TBCCD1: variants seen among roughly 807,000 people sequenced by gnomAD.
TBCCD1 encodes the protein TBCC domain containing 1.
A neutral mutation model predicts 53.4 loss-of-function variants in TBCCD1; 26 were observed. That is an observed-to-expected ratio of 0.49 (90% CI 0.36 to 0.68). TBCCD1 has a LOEUF of 0.68. Ranked by LOEUF, TBCCD1 falls within the 30% of genes least tolerant of loss-of-function variation. The pLI is 0.00. For synonymous variants in TBCCD1, 245 were observed against 241.7 expected, an observed-to-expected ratio of 1.01 and a Z score of -0.13; for missense variants, 558 against 669.5, an observed-to-expected ratio of 0.83 and a Z score of 1.84.
chr3:186,565,537 T>C (rs970366578), intron 1 of TBCCD1, among the ~76,000 whole-genome samples: 2 of 152,252 alleles, frequency 1.3e-5, no homozygotes, highest in Non-Finnish European at 2.9e-5. Flanking sequence ...TCCCATTTTA[T>C]TCAACTCTTC....
chr3:186,564,866 A>G (rs1714782291), intron 1 of TBCCD1, among the ~76,000 whole-genome samples: 1 of 152,226 alleles, frequency 6.6e-6, no homozygotes, highest in African/African-American at 2.4e-5. Flanking sequence ...ATGCTAATGT[A>G]AATGTAGACT....
At chr3:186,547,606 CT>C (rs574168560) in intron 7 of TBCCD1, among the ~76,000 whole-genome samples, 4,127 of 127,076 alleles carry the variant, frequency 0.032, 130 homozygotes, top group African/African-American at 0.091. Context: ...TTGCTAAATT[CT>C]TTTTTTTTTT....
upstream of TBCCD1, chr3:186,570,457 G>A: frequency 2.1e-6 from 1 of 483,430 alleles, no homozygotes; most frequent in Non-Finnish European, 3.6e-6. Flanking sequence ...CCCTCACTCT[G>A]ACCGGCCCCC....
chr3:186,554,822 C>A, intron 5 of TBCCD1, 71 bp from the exon 6 acceptor site: 1 of 1,593,094 alleles, frequency 6.3e-7, no homozygotes, highest in Non-Finnish European at 8.5e-7. Context: ...ATATTATTAT[C>A]TGATGGCAAA....
At chr3:186,566,625 C>G (rs925454515) in intron 1 of TBCCD1, among the ~76,000 whole-genome samples, 2 of 152,160 alleles carry the variant, frequency 1.3e-5, no homozygotes, top group Admixed American at 6.5e-5. Context: ...TAAATGTACT[C>G]TAGGAATCCA....
chr3:186,549,483 A>G (rs183455022), intron 7 of TBCCD1, among the ~76,000 whole-genome samples: 2 of 152,138 alleles, frequency 1.3e-5, no homozygotes, highest in African/African-American at 4.8e-5. Flanking sequence ...ACCAGCCTGG[A>G]CAACAAAGTG....
upstream of TBCCD1, chr3:186,567,368 G>A (rs571145316): frequency 6.6e-6 from 1 of 152,200 alleles, no homozygotes; most frequent in South Asian, 2.1e-4. Flanking sequence ...CGCCGCTGCC[G>A]TGCCCACTGC....
At chr3:186,566,507 GA>G (rs965704557) in intron 1 of TBCCD1, among the ~76,000 whole-genome samples, 3 of 150,884 alleles carry the variant, frequency 2.0e-5, no homozygotes, top group Non-Finnish European at 4.4e-5. Context: ...CATTTTCGAT[GA>G]AAAAAAAATG....
intron 4 of TBCCD1, among the ~76,000 whole-genome samples, chr3:186,555,985 T>C (rs1197055835): frequency 6.6e-6 from 1 of 152,172 alleles, no homozygotes; most frequent in African/African-American, 2.4e-5. Flanking sequence ...GTTACGTGAC[T>C]GCCTTCTCAG....
chr3:186,566,472 G>A lies in TBCCD1; in HGVS notation c.-44+795C>T, dbSNP rs117293025. The stretch of plus-strand genomic sequence containing the variant: ...CTCCTTTCATCCTCACAACCACCTG[G>A]AGATACAGTACTTAAGACTGTACAC... On this transcript the variant is annotated intron_variant, in intron 1 of 7. Transcript: ENST00000338733. Among the ~76,000 whole-genome samples the A allele has an allele frequency of 3.2e-4, 49 of 152,156 alleles. No homozygotes were observed. The East Asian group carries it at 8.1e-3, about 25-fold the overall frequency.
intron 2 of TBCCD1, among the ~76,000 whole-genome samples, chr3:186,562,188 T>C (rs1428468545): frequency 6.6e-6 from 1 of 151,866 alleles, no homozygotes; most frequent in Admixed American, 6.6e-5. Flanking sequence ...ATGAAAAAAA[T>C]ACAAAAATTT....
At position 186,561,740 on chromosome 3, in the gene TBCCD1, G is replaced by A. The variant is rs531951152; in HGVS notation, c.336+2254C>T. On this transcript the variant is annotated intron_variant, in intron 2 of 7. Transcript: ENST00000338733. ...GGAGGTGGAGCTTGCAATGAGCTGA[G>A]ATCGCGCCACCGCGCTCCAGCCTGG... 7.9e-5 allele frequency among the ~76,000 whole-genome samples: 12 copies of A among 152,156 alleles called. No individual in the cohort carries two copies. In the East Asian group the frequency reaches 2.3e-3, roughly 29 times the overall value.
chr3:186,552,705 G>A lies in TBCCD1; in HGVS notation c.1545-1426C>T, dbSNP rs907771790. On this transcript the variant is annotated intron_variant, in intron 6 of 7. Transcript: ENST00000338733. ...TCATTAACACAAGCCAAAATCCAAC[G>A]ATAAGTTCCTTTTAACACCTGTTTA... 3.3e-5 allele frequency among the ~76,000 whole-genome samples: 5 copies of A among 152,242 alleles called. No individual in the cohort carries two copies. In the East Asian group the frequency reaches 9.6e-4, roughly 29 times the overall value.
At position 186,555,100 on chromosome 3, in the gene TBCCD1, TATAA is replaced by T; in HGVS notation, c.860-20_860-17del. 1.3e-6 allele frequency: 2 copies of T among 1,583,402 alleles called. No homozygotes were observed. Among genetic ancestry groups the T allele is most frequent in the African/African-American group, 2.7e-5 (2 of 73,684 alleles). ...GTCCCTTCAACTATTTAAGAAAACA[TATAA>T]ATAGATGAGGCAGTATCAAATCAAA... On this transcript the variant is annotated splice_polypyrimidine_tract_variant and intron_variant, in intron 4 of 7. Transcript: ENST00000338733.
chr3:186,546,985 C>T (rs1714232597), intron 7 of TBCCD1, 30 bp from the exon 8 acceptor site: 1 of 152,032 alleles, frequency 6.6e-6, no homozygotes, highest in East Asian at 1.9e-4. Context: ...TAATATTAAT[C>T]ACTTAATTTT....
chr3:186,549,453 C>A lies in TBCCD1; in HGVS notation c.*21+1676G>T, dbSNP rs567987014. Reference sequence around the variant, plus strand: ...TTGGGAGGCCGAGGCAGGAGGAACGCTTTAAGCCAGGAGTTTAAGACCAGC... The same window carrying A: ...TTGGGAGGCCGAGGCAGGAGGAACGATTTAAGCCAGGAGTTTAAGACCAGC... On this transcript the variant is annotated intron_variant, in intron 7 of 7. Transcript: ENST00000338733. Among the ~76,000 whole-genome samples the A allele has an allele frequency of 2.0e-5, 3 of 152,280 alleles. No homozygotes were observed. In the South Asian group the frequency reaches 6.2e-4, roughly 32 times the overall value.
intron 7 of TBCCD1, among the ~76,000 whole-genome samples, chr3:186,549,518 A>T (rs550172822): frequency 1.3e-5 from 2 of 152,240 alleles, no homozygotes; most frequent in African/African-American, 4.8e-5. Context: ...AAGAAAAATA[A>T]AAAGATCAAT....
upstream of TBCCD1, among the ~76,000 whole-genome samples, chr3:186,568,764 A>T (rs1395988340): frequency 6.6e-6 from 1 of 151,870 alleles, no homozygotes; most frequent in Non-Finnish European, 1.5e-5. Flanking sequence ...TTAGACGGAC[A>T]TGGTGGTGTG....
Position 186,554,455 on chromosome 3 carries a change from A to C in TBCCD1, c.1343T>G (p.Val448Gly). 6.2e-7 allele frequency: 1 copy of C among 1,614,234 alleles called. No homozygotes were observed. The highest frequency in any genetic ancestry group is 1.3e-5 in the African/African-American group (1 of 75,054). ...TCTTGTGTCGCTGTTCTCTCTGCAC[A>C]CAACCATTGGATTATCCCAATAGTT... ...VPNYWDNPMVVCRENSDTRVF... is the reference protein window; with the variant it reads ...VPNYWDNPMVGCRENSDTRVF... Residue 448 changes from valine (V) to glycine (G), a missense_variant, in exon 6 of 8, where the codon GTG (valine) becomes GGG (glycine). Coordinates refer to ENST00000338733, the MANE Select transcript of TBCCD1 (RefSeq NM_018138.5).
Sources: gnomAD v4.1 joint callset for allele counts (sites outside exome capture counted in the v4.1 genomes callset) on GRCh38, gnomAD v4.1.1 for gene constraint, MANE v1.5 for transcripts, NCBI Gene and HGNC (gene_info 2026-07-23, HGNC 2026-07-21) for gene names.